Variants in SLC38A12 observed in about 807,000 individuals in gnomAD.
The protein encoded by SLC38A12 is putative sodium-coupled neutral amino acid transporter 12.
At chr17:74,798,928 A>C in the SLC38A12 span, among the ~76,000 whole-genome samples, 1 of 152,228 alleles carries the variant, frequency 6.6e-6, no homozygotes, top group Non-Finnish European at 1.5e-5. Flanking sequence ...TACAGCATGA[A>C]GGAGCCAGGG....
the SLC38A12 span, among the ~76,000 whole-genome samples, chr17:74,809,338 G>A: frequency 6.6e-6 from 1 of 152,172 alleles, no homozygotes; most frequent in South Asian, 2.1e-4. Context: ...CCCAAGAACT[G>A]CCTTCCAGAC....
the SLC38A12 span, among the ~76,000 whole-genome samples, chr17:74,831,563 C>T: frequency 6.6e-6 from 1 of 152,368 alleles, no homozygotes; most frequent in Admixed American, 6.5e-5. Flanking sequence ...CTCTGTCCTC[C>T]CCTCTGCCTC....
chr17:74,832,940 A>G, the SLC38A12 span, among the ~76,000 whole-genome samples: 1 of 152,254 alleles, frequency 6.6e-6, no homozygotes, highest in African/African-American at 2.4e-5. Context: ...TAGGTAATCT[A>G]GGTAGTGGCA....
chr17:74,799,751 A>G, the SLC38A12 span, among the ~76,000 whole-genome samples: 40 of 152,262 alleles, frequency 2.6e-4, no homozygotes, highest in Non-Finnish European at 4.1e-4. Flanking sequence ...TCCCTCTCAC[A>G]TGGCAACACT....
the SLC38A12 span, among the ~76,000 whole-genome samples, chr17:74,791,577 G>A: frequency 6.6e-6 from 1 of 152,392 alleles, no homozygotes; most frequent in South Asian, 2.1e-4. Flanking sequence ...TCTTCTGGCC[G>A]ATTCTGTCTA....
chr17:74,795,469 C>A, the SLC38A12 span: 12 of 1,536,964 alleles, frequency 7.8e-6, no homozygotes, highest in East Asian at 2.3e-5. Context: ...CTGTCTCCCC[C>A]AGCCCAGCCA....
chr17:74,795,177 A>C, the SLC38A12 span: 2 of 1,352,236 alleles, frequency 1.5e-6, no homozygotes, highest in African/African-American at 1.4e-5. Context: ...GTCAGGGCAG[A>C]GTGTCCAGGG....
chr17:74,828,356 A>G, the SLC38A12 span, among the ~76,000 whole-genome samples: 1 of 152,114 alleles, frequency 6.6e-6, no homozygotes, highest in African/African-American at 2.4e-5. Flanking sequence ...AAGACCCTTC[A>G]CCCTTGGCCC....
chr17:74,839,042 G>A, the SLC38A12 span: 15 of 1,535,590 alleles, frequency 9.8e-6, no homozygotes, highest in Admixed American at 5.9e-5. Context: ...TGCAGGCCAG[G>A]TCAAGGTGGG....
chr17:74,812,518 G>GTT, the SLC38A12 span, among the ~76,000 whole-genome samples: 1 of 152,152 alleles, frequency 6.6e-6, no homozygotes, highest in Non-Finnish European at 1.5e-5. Flanking sequence ...CTCATGCTGA[G>GTT]TTGCCATTAA....
the SLC38A12 span, among the ~76,000 whole-genome samples, chr17:74,783,879 C>T: frequency 2.6e-5 from 4 of 151,738 alleles, no homozygotes; most frequent in African/African-American, 7.3e-5. Flanking sequence ...TACAGGCACA[C>T]GCCACCCCCC....
At chr17:74,827,766 G>T in the SLC38A12 span, among the ~76,000 whole-genome samples, 1 of 152,126 alleles carries the variant, frequency 6.6e-6, no homozygotes. The surrounding 1 kb of genome is among the most constrained non-coding windows in gnomAD (Gnocchi z 4.7). Flanking sequence ...TCCACCTCCA[G>T]CCTGCAAATG....
At chr17:74,784,557 G>A in the SLC38A12 span, among the ~76,000 whole-genome samples, 3 of 151,162 alleles carry the variant, frequency 2.0e-5, no homozygotes, top group African/African-American at 4.9e-5. Context: ...GGAGCCTGCC[G>A]ATTGCACCAA....
At chr17:74,830,257 G>A in the SLC38A12 span, among the ~76,000 whole-genome samples, 1 of 152,214 alleles carries the variant, frequency 6.6e-6, no homozygotes, top group Non-Finnish European at 1.5e-5. Context: ...AGGCCCCCAG[G>A]GTGAGGTTCC....
the SLC38A12 span, among the ~76,000 whole-genome samples, chr17:74,825,091 C>T: frequency 2.1e-4 from 32 of 152,302 alleles, no homozygotes; most frequent in Middle Eastern, 3.4e-3. Flanking sequence ...TGGAATTCCT[C>T]CAACCACTCA....
chr17:74,799,425 C>G, the SLC38A12 span, among the ~76,000 whole-genome samples: 4 of 152,226 alleles, frequency 2.6e-5, no homozygotes, highest in African/African-American at 9.6e-5. Context: ...CCCTGGCCTG[C>G]TCTCCTGCCT....
the SLC38A12 span, chr17:74,777,729 G>A: frequency 8.7e-6 from 6 of 687,126 alleles, no homozygotes; most frequent in Non-Finnish European, 1.4e-5. Context: ...AGACCAGCCT[G>A]GCCAACATGG....
chr17:74,801,062 G>C, the SLC38A12 span, among the ~76,000 whole-genome samples: 1 of 152,180 alleles, frequency 6.6e-6, no homozygotes, highest in Admixed American at 6.5e-5. Flanking sequence ...ACGCCTGGAG[G>C]GGGAAGGGTG....
the SLC38A12 span, chr17:74,785,699 A>G: frequency 6.7e-7 from 1 of 1,481,518 alleles, no homozygotes. Context: ...AGGGGGTGGG[A>G]AGACACCTGT....
Sources: allele counts gnomAD v4.1 joint callset (sites outside exome capture counted in the v4.1 genomes callset), GRCh38; gene constraint gnomAD v4.1.1; non-coding constraint Gnocchi (gnomAD v3.1); transcripts MANE v1.5; gene names NCBI Gene and HGNC (gene_info 2026-07-23, HGNC 2026-07-21).